Variants in KIF6 observed in about 807,000 individuals in gnomAD.
The protein encoded by KIF6 is kinesin family member 6, also known as kinesin-like protein KIF6.
In KIF6, 106 loss-of-function variants were observed where a neutral mutation model predicts 112.7. The ratio of observed to expected loss-of-function variants is 0.94; its 90% confidence interval spans 0.80 to 1.11. KIF6 has a LOEUF of 1.11. KIF6 is among the 50% of genes least tolerant of loss of function. The pLI is 0.00. For missense variants in KIF6, 929 were observed against 964.0 expected, an observed-to-expected ratio of 0.96 and a Z score of 0.48; for synonymous variants, 339 against 339.9, an observed-to-expected ratio of 1.00 and a Z score of 0.03.
In KIF6 at chr6:39,342,361, C is replaced by T. The variant is rs965971337; in HGVS notation, c.2428+1348G>A. On this transcript the variant is annotated intron_variant, in intron 22 of 22. Transcript: ENST00000287152. The surrounding 1 kb of genome is among the most constrained non-coding windows in gnomAD (Gnocchi z 4.7). ...CCCTCAAACAATCTTACGTATTTGT[C>T]GACGTGTTCATTGTCTGTCTCCTTC... Among the ~76,000 whole-genome samples, 18 of 152,182 alleles carry T rather than the reference C, an allele frequency of 1.2e-4. No individual in the cohort carries two copies. The highest frequency in any genetic ancestry group is 4.1e-4 in the African/African-American group (17 of 41,456).
At chr6:39,518,831 C>T (rs943863748) in intron 13 of KIF6, among the ~76,000 whole-genome samples, 17 of 152,118 alleles carry the variant, frequency 1.1e-4, no homozygotes, top group African/African-American at 4.1e-4. Context: ...AAATGCTTAA[C>T]TTCTAGAGAA....
chr6:39,615,886 G>A lies in KIF6; in HGVS notation c.510-2568C>T, dbSNP rs540685149. Among the ~76,000 whole-genome samples the A allele has an allele frequency of 3.3e-5, 5 of 152,196 alleles. No individual in the cohort carries two copies. The East Asian group carries it at 9.7e-4, about 29-fold the overall frequency. The stretch of plus-strand genomic sequence containing the variant: ...ACCTCCCTGACCATGCAGTTGGTGA[G>A]TATACTAAGCCACACAACATTAACC... On this transcript the variant is annotated intron_variant, in intron 5 of 22. Coordinates refer to ENST00000287152, the MANE Select transcript of KIF6 (RefSeq NM_145027.6).
At position 39,342,388 on chromosome 6, in the gene KIF6, TC is replaced by T. The variant is rs1180734425; in HGVS notation, c.2428+1320del. ...ACGTGTTCATTGTCTGTCTCCTTCC[TC>T]CCCCTAGAATGTCAGTTTCTCACGT... On this transcript the variant is annotated intron_variant, in intron 22 of 22. Transcript: ENST00000287152. This position sits in a 1 kb window ranked among gnomAD's most constrained non-coding sequence, Gnocchi z 4.7. Among the ~76,000 whole-genome samples, 1 of 152,140 alleles carries T rather than the reference TC, an allele frequency of 6.6e-6. No homozygotes were observed. The highest frequency in any genetic ancestry group is 1.9e-4 in the East Asian group (1 of 5,190).
chr6:39,496,007 G>C (rs1775760840), intron 13 of KIF6, among the ~76,000 whole-genome samples: 1 of 152,226 alleles, frequency 6.6e-6, no homozygotes, highest in African/African-American at 2.4e-5. Flanking sequence ...GTGGTCTGGA[G>C]AAACTTGAGC....
intron 13 of KIF6, among the ~76,000 whole-genome samples, chr6:39,528,980 G>A (rs145323484): frequency 5.3e-5 from 8 of 152,254 alleles, no homozygotes; most frequent in African/African-American, 1.9e-4. Context: ...ATCGACCAAT[G>A]GAACAGAATA....
At chr6:39,720,916 A>G (rs1790181035) in intron 1 of KIF6, 105 bp from the exon 2 acceptor site, 2 of 620,006 alleles carry the variant, frequency 3.2e-6, no homozygotes, top group Admixed American at 2.8e-5. Context: ...TACTCTTAAG[A>G]TTAAAAAGTC....
At chr6:39,364,275 C>T (rs1765391281) in intron 16 of KIF6, among the ~76,000 whole-genome samples, 1 of 151,960 alleles carries the variant, frequency 6.6e-6, no homozygotes, top group Non-Finnish European at 1.5e-5. Context: ...TGCACACCAC[C>T]ACGCCCAGCT....
Position 39,725,384 on chromosome 6 carries a change from G to T in KIF6, c.-74C>A. 8.1e-7 allele frequency: 1 copy of T among 1,232,656 alleles called. No homozygotes were observed. The highest frequency in any genetic ancestry group is 1.2e-6 in the Non-Finnish European group (1 of 850,886). The allele number at this position is 1,232,656 out of a possible 1,614,324, so 76.4% of individuals were successfully genotyped here. A position where few individuals can be genotyped will look rare whatever the true frequency, so the allele number is the denominator to read the frequency against. On this transcript the variant is annotated 5_prime_UTR_variant, in exon 1 of 23. Transcript: ENST00000287152. ...GCCAAAACTAACTCCCACCACCTCC[G>T]GCGACCCACAGTCTTAGCAACAGTA...
intron 13 of KIF6, among the ~76,000 whole-genome samples, chr6:39,464,180 A>G (rs1310035814): frequency 6.6e-6 from 1 of 152,140 alleles, no homozygotes; most frequent in African/African-American, 2.4e-5. Context: ...GTCAGCACTG[A>G]AAGGGAGGCA....
chr6:39,632,085 G>A lies in KIF6; in HGVS notation c.509+2764C>T, dbSNP rs375333535. On this transcript the variant is annotated intron_variant, in intron 5 of 22. Transcript: ENST00000287152. The stretch of plus-strand genomic sequence containing the variant: ...CATTTGAAAAAAGCAAATGACTTTA[G>A]TTTAGTGCCCTGACATAATATATAC... Among the ~76,000 whole-genome samples, 12 of 152,030 alleles carry A rather than the reference G, an allele frequency of 7.9e-5. No homozygotes were observed. The East Asian group carries it at 1.7e-3, about 22-fold the overall frequency.
At chr6:39,540,440 G>T (rs1376601467) in intron 12 of KIF6, among the ~76,000 whole-genome samples, 1 of 152,170 alleles carries the variant, frequency 6.6e-6, no homozygotes, top group Non-Finnish European at 1.5e-5. Flanking sequence ...CAAACGCAAG[G>T]TCTTTACAAT....
At chr6:39,414,154 A>G (rs1353253022) in intron 15 of KIF6, among the ~76,000 whole-genome samples, 1 of 152,106 alleles carries the variant, frequency 6.6e-6, no homozygotes, top group Non-Finnish European at 1.5e-5. Context: ...ACTTTATGGT[A>G]ACACATTTTG....
At chr6:39,361,580 A>AAAG (rs1765142261) in intron 17 of KIF6, among the ~76,000 whole-genome samples, 1 of 145,958 alleles carries the variant, frequency 6.9e-6, no homozygotes. Context: ...AAAAAAAAAA[A>AAAG]GCGGGGGGTG....
At chr6:39,457,925 C>T (rs1371106650) in intron 13 of KIF6, among the ~76,000 whole-genome samples, 1 of 150,166 alleles carries the variant, frequency 6.7e-6, no homozygotes, top group African/African-American at 2.5e-5. Context: ...GATTCACAGC[C>T]GAATTCTACC....
intron 14 of KIF6, among the ~76,000 whole-genome samples, chr6:39,428,604 C>T (rs577038742): frequency 3.3e-5 from 5 of 152,330 alleles, no homozygotes; most frequent in East Asian, 3.9e-4. Flanking sequence ...CCATGCCCTG[C>T]TCCCATTCTT....
chr6:39,369,916 C>G (rs992800616), intron 16 of KIF6, among the ~76,000 whole-genome samples: 2 of 152,208 alleles, frequency 1.3e-5, no homozygotes, highest in African/African-American at 2.4e-5. Flanking sequence ...CTTATCACCA[C>G]CACTAAGAGC....
intron 16 of KIF6, among the ~76,000 whole-genome samples, chr6:39,383,488 C>T (rs1303507266): frequency 6.6e-6 from 1 of 152,122 alleles, no homozygotes; most frequent in Non-Finnish European, 1.5e-5. Context: ...AGCTTTATTT[C>T]AGGAGTCTTT....
chr6:39,680,831 C>T (rs1787468036), intron 3 of KIF6, among the ~76,000 whole-genome samples: 1 of 152,022 alleles, frequency 6.6e-6, no homozygotes, highest in African/African-American at 2.4e-5. Context: ...CCCTTTTTGT[C>T]CCATTTTATT....
intron 10 of KIF6, among the ~76,000 whole-genome samples, chr6:39,573,654 A>G (rs538711853): frequency 6.6e-6 from 1 of 152,324 alleles, no homozygotes; most frequent in African/African-American, 2.4e-5. Context: ...ACTTCTCTTG[A>G]CAGCAGACAA....
Sources: gnomAD v4.1 joint callset for allele counts (sites outside exome capture counted in the v4.1 genomes callset) on GRCh38, gnomAD v4.1.1 for gene constraint, Gnocchi (gnomAD v3.1) non-coding constraint, MANE v1.5 for transcripts, NCBI Gene and HGNC (gene_info 2026-07-23, HGNC 2026-07-21) for gene names.